Variants in WDR59 observed in about 807,000 individuals in gnomAD.
WDR59 encodes GATOR2 complex protein WDR59.
A neutral mutation model predicts 131.2 loss-of-function variants in WDR59; 100 were observed. The observed-to-expected ratio is 0.76, with a 90% confidence interval of 0.65 to 0.90. The LOEUF (loss-of-function observed/expected upper bound fraction) is 0.90. Ranked by LOEUF, WDR59 falls within the 40% of genes least tolerant of loss-of-function variation. The probability of loss-of-function intolerance (pLI) is 0.00; values close to 1 mark genes in which losing one functional copy is unlikely to be tolerated. For synonymous variants in WDR59, 601 were observed against 466.2 expected, an observed-to-expected ratio of 1.29 and a Z score of -3.72; for missense variants, 1,203 against 1,262.2, an observed-to-expected ratio of 0.95 and a Z score of 0.71.
chr16:74,972,086 CA>C (rs950350313), intron 1 of WDR59, among the ~76,000 whole-genome samples: 1 of 152,174 alleles, frequency 6.6e-6, no homozygotes, highest in Non-Finnish European at 1.5e-5. Flanking sequence ...TGCTCTCTAT[CA>C]AAACAGGTAT....
chr16:74,902,093 T>A (rs1040344547), intron 18 of WDR59, among the ~76,000 whole-genome samples: 1 of 152,208 alleles, frequency 6.6e-6, no homozygotes, highest in African/African-American at 2.4e-5. Context: ...AATGTTCTAT[T>A]TCTTGACCTG....
intron 1 of WDR59, among the ~76,000 whole-genome samples, chr16:74,973,138 G>A (rs2034053738): frequency 6.6e-6 from 1 of 152,088 alleles, no homozygotes; most frequent in South Asian, 2.1e-4. Flanking sequence ...CTACTCAGAA[G>A]ACTAAGGCAG....
Position 74,936,908 on chromosome 16 carries a change from A to G in WDR59, c.651+1242T>C, listed in dbSNP as rs557783019. On this transcript the variant is annotated intron_variant, in intron 8 of 25. Coordinates refer to ENST00000262144, the MANE Select transcript of WDR59 (RefSeq NM_030581.4). ...AAAAGTCACATCTGACACATTAAAA[A>G]TAACTTACAACCCTAAGAGATTTAC... 3.9e-5 allele frequency among the ~76,000 whole-genome samples: 6 copies of G among 152,350 alleles called. No homozygotes were observed. The South Asian group carries it at 1.2e-3, about 32-fold the overall frequency.
intron 14 of WDR59, 126 bp from the exon 15 acceptor site, chr16:74,910,043 T>C (rs896112216): frequency 8.2e-6 from 6 of 731,752 alleles, no homozygotes; most frequent in African/African-American, 3.7e-5. Context: ...TCTCGGCTCA[T>C]TGCAACCTCT....
chr16:74,963,085 GT>G (rs920847205), intron 2 of WDR59: 2 of 151,884 alleles, frequency 1.3e-5, no homozygotes, highest in Non-Finnish European at 2.9e-5. Context: ...GTGAAACCCC[GT>G]TTCTACTAAA....
intron 13 of WDR59, among the ~76,000 whole-genome samples, chr16:74,914,601 T>C (rs1346569555): frequency 6.6e-6 from 1 of 152,018 alleles, no homozygotes; most frequent in Non-Finnish European, 1.5e-5. Flanking sequence ...ACTATTTTTT[T>C]TTTTTTTTTC....
intron 24 of WDR59, 151 bp downstream of exon 24, chr16:74,886,119 A>C (rs1023264606): frequency 2.6e-5 from 26 of 991,974 alleles, no homozygotes; most frequent in Non-Finnish European, 2.9e-6. Flanking sequence ...CAGAGGTTGC[A>C]GAGAGCCGAG....
At position 74,945,970 on chromosome 16, in the gene WDR59, A is replaced by G. The variant is rs144458531; in HGVS notation, c.445+2549T>C. Reference sequence around the variant, plus strand: ...GAAGCTGAGATTACAGGCATGCACCACCACGCCCGGCTAATTTTGTATTTT... The same window carrying G: ...GAAGCTGAGATTACAGGCATGCACCGCCACGCCCGGCTAATTTTGTATTTT... On this transcript the variant is annotated intron_variant, in intron 6 of 25. Coordinates refer to ENST00000262144, the MANE Select transcript of WDR59 (RefSeq NM_030581.4). Among the ~76,000 whole-genome samples, 48 of 152,068 alleles carry G rather than the reference A, an allele frequency of 3.2e-4. No homozygotes were observed. In the East Asian group the frequency reaches 4.5e-3, roughly 14 times the overall value.
intron 8 of WDR59, 110 bp downstream of exon 8, chr16:74,938,040 T>C: frequency 1.4e-6 from 1 of 724,862 alleles, no homozygotes. Context: ...ACATGCACCG[T>C]GAAATACATA....
chr16:74,919,203 A>G (rs74026624), intron 10 of WDR59, among the ~76,000 whole-genome samples: 2,658 of 152,146 alleles, frequency 0.017, 72 homozygotes, highest in African/African-American at 0.06. Context: ...GCCTCTCCCA[A>G]CTGGCTGATT....
intron 1 of WDR59, among the ~76,000 whole-genome samples, chr16:74,980,976 A>AT (rs1355245561): frequency 2.0e-5 from 3 of 149,964 alleles, no homozygotes; most frequent in African/African-American, 4.9e-5. Context: ...AAAATAAAAA[A>AT]ATATATATTT....
rs1269941731 is a variant in WDR59, at chr16:74,909,418, T to C, written c.1642+83A>G. 4.9e-6 allele frequency: 7 copies of C among 1,426,642 alleles called. 1 individual carries two copies. Among genetic ancestry groups the C allele is most frequent in the South Asian group, 3.4e-5 (2 of 58,996 alleles). The allele number at this position is 1,426,642 out of a possible 1,614,324, so 88.4% of individuals were successfully genotyped here. ...CTCGGGAGTAAAAGCAAACATTTTC[T>C]GATGAAGATGTTTATACAGAATCTA... On this transcript the variant is annotated intron_variant, in intron 16 of 25. Coordinates refer to ENST00000262144, the MANE Select transcript of WDR59 (RefSeq NM_030581.4).
At chr16:74,944,150 A>G (rs1482808642) in intron 6 of WDR59, among the ~76,000 whole-genome samples, 1 of 152,126 alleles carries the variant, frequency 6.6e-6, no homozygotes, top group Non-Finnish European at 1.5e-5. Context: ...AGCCCCCTCA[A>G]TGCAACCTGC....
intron 10 of WDR59, among the ~76,000 whole-genome samples, chr16:74,920,529 T>C (rs1169125190): frequency 6.6e-6 from 1 of 152,180 alleles, no homozygotes; most frequent in Non-Finnish European, 1.5e-5. Flanking sequence ...GCCTCCGAAG[T>C]AGCTGGGACT....
chr16:74,905,495 C>T (rs960609365), intron 17 of WDR59, among the ~76,000 whole-genome samples: 2 of 151,670 alleles, frequency 1.3e-5, no homozygotes, highest in African/African-American at 4.8e-5. Flanking sequence ...TCCTGGCTAA[C>T]ATGGTGAAAC....
intron 15 of WDR59, 51 bp downstream of exon 15, chr16:74,909,771 T>C (rs1965992757): frequency 1.3e-6 from 2 of 1,587,356 alleles, no homozygotes; most frequent in Non-Finnish European, 8.5e-7. Context: ...GAGAAAGAAA[T>C]GAAACAAAAC....
chr16:74,915,939 C>T lies in WDR59; in HGVS notation c.1155G>A (p.Leu385=), dbSNP rs763056838. ...NLLEERKSDQ[L]GLPQTLQQEF... Reference sequence around the variant, plus strand: ...CCTGCTGCAAGGTCTGAGGCAGCCCCAGTTGATCTGATTTCCTCTCTTCCA... The same window carrying T: ...CCTGCTGCAAGGTCTGAGGCAGCCCTAGTTGATCTGATTTCCTCTCTTCCA... Residue 385 remains leucine (L), a synonymous_variant, in exon 13 of 26, where the codon CTG becomes CTA. Transcript: ENST00000262144. 1 of 1,614,194 alleles carries T rather than the reference C, an allele frequency of 6.2e-7. No individual in the cohort carries two copies.
chr16:74,873,918 GC>G lies in WDR59; in HGVS notation c.*290del. The G allele has an allele frequency of 2.5e-6, 1 of 403,254 alleles. No individual in the cohort carries two copies. Among genetic ancestry groups the G allele is most frequent in the South Asian group, 2.8e-5 (1 of 36,166 alleles). 25.0% of individuals were successfully genotyped at this position (403,254 alleles called of 1,614,324 possible). ...TGTAACACTGGCCCTGGAGCCAGGTGCTTTTCTCCATGAAAACTTCCACCTT... is the reference window on the plus strand; with the variant it reads ...TGTAACACTGGCCCTGGAGCCAGGTGTTTTCTCCATGAAAACTTCCACCTT... On this transcript the variant is annotated 3_prime_UTR_variant, in exon 26 of 26. Transcript: ENST00000262144.
intron 13 of WDR59, among the ~76,000 whole-genome samples, chr16:74,913,077 G>C (rs867200173): frequency 3.3e-5 from 5 of 151,966 alleles, no homozygotes; most frequent in Non-Finnish European, 4.4e-5. Flanking sequence ...TTTTGGGGGG[G>C]GGGGGGGCCT....
Sources: allele counts gnomAD v4.1 joint callset (sites outside exome capture counted in the v4.1 genomes callset), GRCh38; gene constraint gnomAD v4.1.1; transcripts MANE v1.5; gene names NCBI Gene and HGNC (gene_info 2026-07-23, HGNC 2026-07-21).